The following NKAIN2 variants were observed in gnomAD, a reference collection of about 807,000 sequenced individuals.
NKAIN2 encodes the protein sodium/potassium transporting ATPase interacting 2, also known as sodium/potassium-transporting ATPase subunit beta-1-interacting protein 2.
NKAIN2 carries 14 observed loss-of-function variants against 32.6 expected under a neutral mutation model. That is an observed-to-expected ratio of 0.43 (90% CI 0.28 to 0.67). The LOEUF (loss-of-function observed/expected upper bound fraction) is 0.67. Among genes scored for constraint, NKAIN2 ranks in the 30% least tolerant of loss-of-function variants. The pLI is 0.17. For synonymous variants in NKAIN2, 80 were observed against 87.2 expected (o/e 0.92, Z 0.46); for missense variants, 198 against 258.3 (o/e 0.77, Z 1.60).
intron 3 of NKAIN2, among the ~76,000 whole-genome samples, chr6:124,445,493 A>G (rs889166363): frequency 2.0e-4 from 31 of 152,228 alleles, no homozygotes; most frequent in African/African-American, 7.5e-4. Flanking sequence ...CCTCTGGAAG[A>G]CAAAAAAAAT....
intron 3 of NKAIN2, among the ~76,000 whole-genome samples, chr6:124,461,264 ATT>A (rs1354429107): frequency 6.6e-6 from 1 of 151,658 alleles, no homozygotes; most frequent in Non-Finnish European, 1.5e-5. Context: ...GCACATTACT[ATT>A]TTCTCTTTAG....
At chr6:124,237,988 CAA>C (rs1435004319) in intron 1 of NKAIN2, among the ~76,000 whole-genome samples, 2 of 151,990 alleles carry the variant, frequency 1.3e-5, no homozygotes, top group African/African-American at 4.8e-5. Context: ...ATGTATAGCA[CAA>C]GAGAACTAAC....
chr6:124,040,853 T>C (rs1781838349), intron 1 of NKAIN2, among the ~76,000 whole-genome samples: 1 of 151,966 alleles, frequency 6.6e-6, no homozygotes, highest in African/African-American at 2.4e-5. Flanking sequence ...AAGTAGTAAG[T>C]CATTACCACA....
At chr6:123,836,570 G>T (rs1395003180) in intron 1 of NKAIN2, among the ~76,000 whole-genome samples, 1 of 151,810 alleles carries the variant, frequency 6.6e-6, no homozygotes, top group East Asian at 1.9e-4. Context: ...ATGAGGAACC[G>T]TCACAATTTG....
At chr6:123,859,430 T>A (rs1775693186) in intron 1 of NKAIN2, among the ~76,000 whole-genome samples, 1 of 152,150 alleles carries the variant, frequency 6.6e-6, no homozygotes, top group South Asian at 2.1e-4. Flanking sequence ...GTGTTTCTGT[T>A]TTCTTCTGTT....
At chr6:123,812,359 A>G (rs1221127962) in intron 1 of NKAIN2, among the ~76,000 whole-genome samples, 1 of 152,224 alleles carries the variant, frequency 6.6e-6, no homozygotes, top group African/African-American at 2.4e-5. Flanking sequence ...CAGATATCTA[A>G]CAAATAATGC....
chr6:123,967,678 GA>G (rs869114456), intron 1 of NKAIN2, among the ~76,000 whole-genome samples: 2 of 151,300 alleles, frequency 1.3e-5, no homozygotes, highest in South Asian at 2.1e-4. Context: ...CACATTATGT[GA>G]AAAAAAAGGG....
intron 3 of NKAIN2, among the ~76,000 whole-genome samples, chr6:124,604,687 C>T (rs1011810754): frequency 6.6e-6 from 1 of 151,730 alleles, no homozygotes; most frequent in East Asian, 1.9e-4. Context: ...AATCCGTTCC[C>T]TCAATTAAAA....
chr6:124,517,587 C>T (rs897070448), intron 3 of NKAIN2, among the ~76,000 whole-genome samples: 1 of 152,110 alleles, frequency 6.6e-6, no homozygotes, highest in Non-Finnish European at 1.5e-5. Flanking sequence ...CTCTACTCTG[C>T]TCCTCCTCCT....
At chr6:124,434,777 C>G (rs1264281829) in intron 3 of NKAIN2, among the ~76,000 whole-genome samples, 2 of 152,076 alleles carry the variant, frequency 1.3e-5, no homozygotes, top group Non-Finnish European at 1.5e-5. Flanking sequence ...TGAGATCTTT[C>G]CTTAATAGCA....
rs371169324 is a variant in NKAIN2, at chr6:124,335,146, A to G, written c.193-20121A>G. ...GGCAGAAAAAAAATATGCACCCAGT[A>G]AAAATTTAGATAGAAATCTTTTTTA... On this transcript the variant is annotated intron_variant, in intron 2 of 6. Transcript: ENST00000368417. 2.0e-5 allele frequency among the ~76,000 whole-genome samples: 3 copies of G among 152,236 alleles called. No homozygotes were observed. In the East Asian group the frequency reaches 5.8e-4, roughly 29 times the overall value.
intron 1 of NKAIN2, among the ~76,000 whole-genome samples, chr6:124,192,752 T>G (rs1351647046): frequency 6.6e-5 from 9 of 136,172 alleles, no homozygotes; most frequent in African/African-American, 1.4e-4. Context: ...TTTTTTTTTT[T>G]TTTTTTTTTT....
intron 3 of NKAIN2, among the ~76,000 whole-genome samples, chr6:124,374,371 T>C (rs1799894259): frequency 2.0e-5 from 3 of 152,070 alleles, no homozygotes; most frequent in Admixed American, 6.6e-5. Context: ...TGACATTAAT[T>C]TTCTAATAAT....
At chr6:124,462,795 G>A (rs1776585419) in intron 3 of NKAIN2, among the ~76,000 whole-genome samples, 1 of 151,956 alleles carries the variant, frequency 6.6e-6, no homozygotes, top group African/African-American at 2.4e-5. Context: ...TCTCTATTGA[G>A]TACCACATCA....
intron 1 of NKAIN2, among the ~76,000 whole-genome samples, chr6:123,938,433 TATATATATATATATATATAC>T (rs1275007676): frequency 0.026 from 1,322 of 51,546 alleles, 23 homozygotes; most frequent in African/African-American, 0.058. Context: ...TATATATATA[TATATATATATATATATATAC>T]ACACACACAC....
intron 4 of NKAIN2, among the ~76,000 whole-genome samples, chr6:124,765,161 A>T (rs1438905923): frequency 6.6e-6 from 1 of 152,230 alleles, no homozygotes; most frequent in East Asian, 1.9e-4. Flanking sequence ...TCACTGAAAC[A>T]TGTAACATTC....
chr6:124,523,565 A>G (rs1488780839), intron 3 of NKAIN2, among the ~76,000 whole-genome samples: 5 of 152,290 alleles, frequency 3.3e-5, no homozygotes, highest in South Asian at 4.2e-4. Flanking sequence ...CACTTTATCA[A>G]TGAAAATTAC....
intron 4 of NKAIN2, among the ~76,000 whole-genome samples, chr6:124,698,903 G>T (rs1326585400): frequency 3.3e-5 from 5 of 152,152 alleles, no homozygotes; most frequent in Non-Finnish European, 7.4e-5. Flanking sequence ...ATGTTTTCTA[G>T]AGGGGTGTAG....
intron 4 of NKAIN2, among the ~76,000 whole-genome samples, chr6:124,759,241 A>G (rs1778106341): frequency 6.6e-6 from 1 of 152,184 alleles, no homozygotes; most frequent in African/African-American, 2.4e-5. Flanking sequence ...TAGACAGCAT[A>G]TGGATGTGCA....
Sources: allele counts gnomAD v4.1 joint callset (sites outside exome capture counted in the v4.1 genomes callset), GRCh38; gene constraint gnomAD v4.1.1; transcripts MANE v1.5; gene names NCBI Gene and HGNC (gene_info 2026-07-23, HGNC 2026-07-21).